ADCY3: variants seen among roughly 807,000 people sequenced by gnomAD.
ADCY3 encodes the protein adenylate cyclase type 3.
In ADCY3, 70 loss-of-function variants were observed where a neutral mutation model predicts 119.4. The ratio of observed to expected loss-of-function variants is 0.59; its 90% confidence interval spans 0.48 to 0.72. The LOEUF is 0.72. ADCY3 is among the 30% of genes least tolerant of loss of function. The pLI, the probability that ADCY3 is intolerant of heterozygous loss-of-function variation, is 0.00. For synonymous variants in ADCY3, 672 were observed against 621.4 expected (o/e 1.08, Z -1.21); for missense variants, 1,238 against 1,541.6 (o/e 0.80, Z 3.30).
rs182222259 is a variant in ADCY3 at position 24,907,291 on chromosome 2, T to G, written c.675+11022A>C. Among the ~76,000 whole-genome samples, 40 of 151,042 alleles carry G rather than the reference T, an allele frequency of 2.6e-4. No individual in the cohort carries two copies. The East Asian group carries it at 7.5e-3, about 28-fold the overall frequency. On this transcript the variant is annotated intron_variant, in intron 2 of 21. Coordinates refer to ENST00000679454, the MANE Select transcript of ADCY3 (RefSeq NM_004036.5). ...AGATCTGACTCAGCCGACACCAAAC[T>G]ACACTTCCTGGAGATCAGTCCTGAA... is the stretch of plus-strand genomic sequence containing the variant.
chr2:24,831,904 CGGACAGG>C lies in ADCY3; in HGVS notation c.1968-162_1968-156del, dbSNP rs1669578867. Among the ~76,000 whole-genome samples, 12 of 62,614 alleles carry C rather than the reference CGGACAGG, an allele frequency of 1.9e-4. No homozygotes were observed. In the South Asian group the frequency reaches 9.2e-3, roughly 48 times the overall value. The allele number at this position is 62,614 out of a possible 152,430, so 41.1% of individuals were successfully genotyped here. A position where few individuals can be genotyped will look rare whatever the true frequency, so the allele number is the denominator to read the frequency against. On this transcript the variant is annotated intron_variant, in intron 11 of 21. Transcript: ENST00000679454. ...ACAGGGGCCAGGGGGCAGGGGACAGCGGACAGGGGCCAGGGGACAGCGGACAGTGGCC... is the reference window on the plus strand; with the variant it reads ...ACAGGGGCCAGGGGGCAGGGGACAGCGGCCAGGGGACAGCGGACAGTGGCC...
chr2:24,827,799 A>C, intron 14 of ADCY3, 103 bp downstream of exon 14: 1 of 1,539,350 alleles, frequency 6.5e-7, no homozygotes, highest in Non-Finnish European at 8.9e-7. Context: ...GAGGACCCCT[A>C]GTGGCAGAAA....
At chr2:24,894,918 A>G (rs192633470) in intron 2 of ADCY3, among the ~76,000 whole-genome samples, 1 of 151,790 alleles carries the variant, frequency 6.6e-6, no homozygotes, top group East Asian at 1.9e-4. Flanking sequence ...TTTCAGTTCT[A>G]CTGTCTTCTG....
chr2:24,824,772 C>G (rs576952167), intron 16 of ADCY3, among the ~76,000 whole-genome samples: 2 of 152,290 alleles, frequency 1.3e-5, no homozygotes, highest in Admixed American at 6.5e-5. Context: ...ACCTGTAATC[C>G]CAGCTACTCG....
chr2:24,915,896 C>T (rs7576314), intron 2 of ADCY3, among the ~76,000 whole-genome samples: 49,749 of 151,934 alleles, frequency 0.33, 9,479 homozygotes, highest in African/African-American at 0.54. Context: ...TGAGGAAGAC[C>T]CTGGTGGGTG....
At position 24,837,173 on chromosome 2, in the gene ADCY3, T is replaced by C. The variant is rs572335956; in HGVS notation, c.1534-128A>G. ...AATCTGAGGCCACAGAACTTGCTTG[T>C]GGATTGCAAAGTGAGGCGTCAAGGA... On this transcript the variant is annotated intron_variant, in intron 8 of 21. Transcript: ENST00000679454. The C allele has an allele frequency of 3.5e-5, 40 of 1,135,896 alleles. 3 individuals carry two copies. The South Asian group carries it at 5.7e-4, about 16-fold the overall frequency. 70.4% of individuals were successfully genotyped at this position (1,135,896 alleles called of 1,614,324 possible).
intron 3 of ADCY3, among the ~76,000 whole-genome samples, chr2:24,858,077 C>T (rs753214671): frequency 1.3e-5 from 2 of 149,686 alleles, no homozygotes; most frequent in Non-Finnish European, 2.9e-5. Context: ...CAGCTCACTG[C>T]ACACTGATCT....
intron 2 of ADCY3, chr2:24,877,910 G>C (rs1456568540): frequency 2.1e-6 from 1 of 471,162 alleles, no homozygotes; most frequent in Non-Finnish European, 4.4e-6. Flanking sequence ...CCCGGGTCCT[G>C]GGGTGACTCA....
chr2:24,827,562 G>T lies in ADCY3; in HGVS notation c.2479C>A (p.Leu827Ile), dbSNP rs1276755100. ...GGCCCTTACCTGTCAGTGCCATTGA[G>T]CCCAGGGTTGAATCCTTGCATCTGC... is the stretch of plus-strand genomic sequence containing the variant. ...LEQMQGFNPG[L>I]NGTDRLPLVP... is the part of the protein sequence containing the mutation. Residue 827 changes from leucine to isoleucine, a missense_variant, in exon 15 of 22, where the codon CTC becomes ATC. This residue lies in a region of ADCY3 where 499 missense variants were observed against 571.0 expected (regional missense o/e 0.87). Transcript: ENST00000679454. The T allele has an allele frequency of 2.5e-6, 4 of 1,588,538 alleles. No individual in the cohort carries two copies. In the African/African-American group the frequency reaches 5.4e-5, roughly 21 times the overall value.
intron 18 of ADCY3, among the ~76,000 whole-genome samples, 188 bp from the exon 19 acceptor site, chr2:24,822,818 T>C (rs1385911177): frequency 6.6e-6 from 1 of 152,184 alleles, no homozygotes; most frequent in Non-Finnish European, 1.5e-5. Flanking sequence ...TCTGGGCCTG[T>C]TTCCACAACC....
intron 15 of ADCY3, among the ~76,000 whole-genome samples, chr2:24,827,164 A>G (rs930389996): frequency 3.3e-5 from 5 of 152,204 alleles, no homozygotes; most frequent in Admixed American, 3.3e-4. Flanking sequence ...ACCTTAGAGA[A>G]CTTCTGGTTC....
intron 2 of ADCY3, among the ~76,000 whole-genome samples, chr2:24,904,351 G>A (rs534537725): frequency 2.0e-5 from 3 of 152,030 alleles, no homozygotes; most frequent in Non-Finnish European, 2.9e-5. Context: ...CCAACATGGC[G>A]AAACCCCATC....
chr2:24,872,903 A>G lies in ADCY3; in HGVS notation c.676-184T>C, dbSNP rs1475557698. ...CAGAGCCTCAGACACCACCACATGT[A>G]CCACGGATGGGTGGTCCACCCAGGG... is the stretch of plus-strand genomic sequence containing the variant. On this transcript the variant is annotated intron_variant, in intron 2 of 21. Transcript: ENST00000679454. This position sits in a 1 kb window ranked among gnomAD's most constrained non-coding sequence, Gnocchi z 4.4. Among the ~76,000 whole-genome samples, 1 of 152,184 alleles carries G rather than the reference A, an allele frequency of 6.6e-6. No individual in the cohort carries two copies. The highest frequency in any genetic ancestry group is 1.9e-4 in the East Asian group (1 of 5,186).
chr2:24,919,295 C>G lies in ADCY3; in HGVS notation c.-197-111G>C. The G allele has an allele frequency of 3.1e-6, 1 of 325,248 alleles. No homozygotes were observed. Among genetic ancestry groups the G allele is most frequent in the Non-Finnish European group, 5.7e-6 (1 of 174,082 alleles). The allele number at this position is 325,248 out of a possible 1,614,324, so 20.1% of individuals were successfully genotyped here. ...TCTCTGCTGCAAGAGCCTCCCAACC[C>G]AGGGCCTTCCCTGCCACCCCCGGCT... is the stretch of plus-strand genomic sequence containing the variant. On this transcript the variant is annotated intron_variant, in intron 1 of 21. Coordinates refer to ENST00000679454, the MANE Select transcript of ADCY3 (RefSeq NM_004036.5). The surrounding 1 kb of genome is among the most constrained non-coding windows in gnomAD (Gnocchi z 5.5).
rs148084261 is a variant in ADCY3, at chr2:24,895,993, C to T, written c.675+22320G>A. ...TGTAGTTGATATTTTGATTTTTCAT[C>T]CCTAGAGGTGCTACTGGATCTTCTT... On this transcript the variant is annotated intron_variant, in intron 2 of 21. Coordinates refer to ENST00000679454, the MANE Select transcript of ADCY3 (RefSeq NM_004036.5). 9.2e-5 allele frequency among the ~76,000 whole-genome samples: 14 copies of T among 152,240 alleles called. No individual in the cohort carries two copies. In the East Asian group the frequency reaches 1.2e-3, roughly 13 times the overall value.
chr2:24,892,487 G>A (rs369905733), intron 2 of ADCY3, among the ~76,000 whole-genome samples: 4 of 152,082 alleles, frequency 2.6e-5, no homozygotes, highest in Non-Finnish European at 4.4e-5. Flanking sequence ...TCCTGACCTC[G>A]TGATCCACCC....
At position 24,918,759 on chromosome 2, in the gene ADCY3, T is replaced by A; in HGVS notation, c.229A>T (p.Thr77Ser). 1 of 1,613,824 alleles carries A rather than the reference T, an allele frequency of 6.2e-7. No homozygotes were observed. Among genetic ancestry groups the A allele is most frequent in the African/African-American group, 1.3e-5 (1 of 74,934 alleles). Residue 77 changes from threonine (T) to serine (S), a missense_variant, in exon 2 of 22, where the codon ACC (threonine) becomes TCC (serine). Physicochemically the swap from Thr to Ser is moderately conservative, Grantham distance 58. Coordinates refer to ENST00000679454, the MANE Select transcript of ADCY3 (RefSeq NM_004036.5). The surrounding 1 kb of genome is among the most constrained non-coding windows in gnomAD (Gnocchi z 5.4). Reference sequence around the variant, plus strand: ...GCAAAGACCACCAGCACCAGCAGGGTCTCGTGGCGCTGCCTTTTGAAGTAG... The same window carrying A: ...GCAAAGACCACCAGCACCAGCAGGGACTCGTGGCGCTGCCTTTTGAAGTAG... ...QTYFKRQRHETLLVLVVFAAL... is the reference protein window; with the variant it reads ...QTYFKRQRHESLLVLVVFAAL...
chr2:24,905,984 A>G (rs1270441919), intron 2 of ADCY3, among the ~76,000 whole-genome samples: 1 of 152,120 alleles, frequency 6.6e-6, no homozygotes, highest in Non-Finnish European at 1.5e-5. Context: ...AGGTCCCTTC[A>G]CTACGCCGTA....
chr2:24,849,825 G>T (rs1672089726), intron 3 of ADCY3, among the ~76,000 whole-genome samples: 1 of 152,164 alleles, frequency 6.6e-6, no homozygotes, highest in South Asian at 2.1e-4. Flanking sequence ...AAGCCTCAGG[G>T]CCTCTGGCAA....
Sources: allele counts gnomAD v4.1 joint callset (sites outside exome capture counted in the v4.1 genomes callset), GRCh38; gene constraint gnomAD v4.1.1; regional missense constraint gnomAD v4.1.1; non-coding constraint Gnocchi (gnomAD v3.1); transcripts MANE v1.5; gene names NCBI Gene and HGNC (gene_info 2026-07-23, HGNC 2026-07-21).